CDK14: variants seen among roughly 807,000 people sequenced by gnomAD.
CDK14 encodes the protein cyclin-dependent kinase 14.
A neutral mutation model predicts 60.7 loss-of-function variants in CDK14; 34 were observed. The observed-to-expected ratio is 0.56, with a 90% confidence interval of 0.43 to 0.75. The LOEUF (loss-of-function observed/expected upper bound fraction) is 0.75. Ranked by LOEUF, CDK14 falls within the 30% of genes least tolerant of loss-of-function variation. The pLI is 0.00. For missense variants in CDK14, 482 were observed against 564.1 expected (o/e 0.85, Z 1.47); for synonymous variants, 197 against 203.7 (o/e 0.97, Z 0.28).
chr7:91,191,931 G>A (rs981454717), intron 14 of CDK14, among the ~76,000 whole-genome samples: 4 of 151,974 alleles, frequency 2.6e-5, no homozygotes, highest in African/African-American at 9.7e-5. Context: ...GCAGATCAGC[G>A]GTAGGAGCAA....
chr7:91,010,864 CCTCT>C (rs1311459996), intron 10 of CDK14, among the ~76,000 whole-genome samples: 1 of 105,892 alleles, frequency 9.4e-6, no homozygotes, highest in African/African-American at 3.5e-5. Context: ...TCCCTCCCTC[CCTCT>C]CTCTCTTTCT....
intron 2 of CDK14, among the ~76,000 whole-genome samples, chr7:90,627,608 A>G (rs970499724): frequency 6.6e-6 from 1 of 152,246 alleles, no homozygotes; most frequent in Non-Finnish European, 1.5e-5. Flanking sequence ...GAAAAGAGAC[A>G]TGAATCTGGC....
Position 90,698,040 on chromosome 7 carries a change from C to T in CDK14, c.124-28527C>T, listed in dbSNP as rs535076202. Among the ~76,000 whole-genome samples, 429 of 120,834 alleles carry T rather than the reference C, an allele frequency of 3.6e-3. 5 individuals carry two copies. Among genetic ancestry groups the T allele is most frequent in the Non-Finnish European group, 3.1e-3 (193 of 63,008 alleles). 79.3% of individuals were successfully genotyped at this position (120,834 alleles called of 152,430 possible). On this transcript the variant is annotated intron_variant, in intron 2 of 14. Transcript: ENST00000380050. ...CTGAGATCACGTCACTGCACTCCAG[C>T]CTGGGTGACAGAGCAAGACTCTGTC...
At chr7:90,860,087 A>G (rs1584054856) in intron 5 of CDK14, among the ~76,000 whole-genome samples, 1 of 152,234 alleles carries the variant, frequency 6.6e-6, no homozygotes, top group East Asian at 1.9e-4. Flanking sequence ...AATTTTGATT[A>G]TTTTTGTTTT....
At chr7:90,607,954 A>T (rs1717619378) in intron 2 of CDK14, among the ~76,000 whole-genome samples, 1 of 152,198 alleles carries the variant, frequency 6.6e-6, no homozygotes, top group Non-Finnish European at 1.5e-5. Flanking sequence ...GAAGGGTTTG[A>T]CATAGTACTT....
chr7:90,891,112 G>T (rs1199740976), intron 6 of CDK14, among the ~76,000 whole-genome samples: 1 of 152,094 alleles, frequency 6.6e-6, no homozygotes, highest in African/African-American at 2.4e-5. Context: ...GGACCACATG[G>T]GGTACCACAG....
At chr7:90,765,252 T>G (rs1317088872) in intron 4 of CDK14, among the ~76,000 whole-genome samples, 1 of 152,182 alleles carries the variant, frequency 6.6e-6, no homozygotes, top group East Asian at 1.9e-4. Flanking sequence ...TTAAAAAAAG[T>G]TATTTTTTTT....
At chr7:90,881,471 A>C (rs978175070) in intron 6 of CDK14, among the ~76,000 whole-genome samples, 1 of 152,220 alleles carries the variant, frequency 6.6e-6, no homozygotes, top group Non-Finnish European at 1.5e-5. Flanking sequence ...TCGGAGTGCC[A>C]GAAGGAGATG....
At chr7:90,946,873 A>G (rs1363306541) in intron 8 of CDK14, among the ~76,000 whole-genome samples, 1 of 152,146 alleles carries the variant, frequency 6.6e-6, no homozygotes, top group Admixed American at 6.5e-5. Context: ...GTCTCCCAGC[A>G]GTTTCCATTT....
chr7:90,876,355 G>A (rs1791563242), intron 6 of CDK14, among the ~76,000 whole-genome samples: 1 of 152,158 alleles, frequency 6.6e-6, no homozygotes, highest in East Asian at 1.9e-4. Context: ...GGATTTTCTA[G>A]TTTGGACACC....
chr7:90,698,077 A>G (rs917991189), intron 2 of CDK14, among the ~76,000 whole-genome samples: 2 of 146,136 alleles, frequency 1.4e-5, no homozygotes, highest in African/African-American at 2.5e-5. Context: ...CAAAAAAAAA[A>G]AAAAAAAAAA....
chr7:91,151,310 T>C (rs565309665), intron 14 of CDK14, among the ~76,000 whole-genome samples: 5 of 152,204 alleles, frequency 3.3e-5, no homozygotes, highest in Admixed American at 6.5e-5. Context: ...AATCCACTCA[T>C]TTCAAATCAT....
intron 11 of CDK14, among the ~76,000 whole-genome samples, chr7:91,075,922 G>A (rs548484747): frequency 6.6e-6 from 1 of 151,992 alleles, no homozygotes; most frequent in Non-Finnish European, 1.5e-5. Flanking sequence ...GGATGTGAAG[G>A]GCCTCTTCAA....
chr7:91,186,807 G>C (rs965947427), intron 14 of CDK14, among the ~76,000 whole-genome samples: 2 of 152,112 alleles, frequency 1.3e-5, no homozygotes, highest in Non-Finnish European at 2.9e-5. Flanking sequence ...TTAACATCAA[G>C]TACTGGGCTG....
chr7:91,018,814 G>A (rs1331656823), intron 10 of CDK14, among the ~76,000 whole-genome samples: 1 of 152,168 alleles, frequency 6.6e-6, no homozygotes, highest in Non-Finnish European at 1.5e-5. Flanking sequence ...GGTCTCCCCA[G>A]CCATGTTTCC....
At chr7:91,097,844 C>T (rs1262084186) in intron 12 of CDK14, among the ~76,000 whole-genome samples, 5 of 152,170 alleles carry the variant, frequency 3.3e-5, no homozygotes, top group African/African-American at 9.6e-5. Flanking sequence ...CATATGTTTC[C>T]TTCCCCTTTG....
chr7:91,055,908 G>A (rs571353832), intron 11 of CDK14, among the ~76,000 whole-genome samples: 1 of 152,136 alleles, frequency 6.6e-6, no homozygotes, highest in Non-Finnish European at 1.5e-5. Flanking sequence ...TAAACTGGCC[G>A]TACACTTTTA....
intron 2 of CDK14, among the ~76,000 whole-genome samples, chr7:90,605,271 C>T (rs148145388): frequency 1.2e-3 from 176 of 152,220 alleles, no homozygotes; most frequent in African/African-American, 4.0e-3. Flanking sequence ...ATGGGGCCAC[C>T]GTCATTTGGC....
At chr7:90,712,279 C>T (rs971792763) in intron 2 of CDK14, among the ~76,000 whole-genome samples, 4 of 151,936 alleles carry the variant, frequency 2.6e-5, no homozygotes, top group African/African-American at 2.4e-5. Context: ...CCCTACCCTG[C>T]TCTCATTAAA....
Sources: gnomAD v4.1 joint callset for allele counts (sites outside exome capture counted in the v4.1 genomes callset) on GRCh38, gnomAD v4.1.1 for gene constraint, MANE v1.5 for transcripts, NCBI Gene and HGNC (gene_info 2026-07-23, HGNC 2026-07-21) for gene names.